The following EPHA8 variants were observed in gnomAD, a reference collection of about 807,000 sequenced individuals.
EPHA8 encodes ephrin type-A receptor 8.
In EPHA8, 58 loss-of-function variants were observed where a neutral mutation model predicts 103.6. That is an observed-to-expected ratio of 0.56 (90% confidence interval 0.45 to 0.70). The LOEUF (loss-of-function observed/expected upper bound fraction) is 0.70, where lower values mean the gene tolerates loss of function less well. Among genes scored for constraint, EPHA8 ranks in the 30% least tolerant of loss-of-function variants. The pLI is 0.00. For missense variants in EPHA8, 1,304 were observed against 1,395.2 expected (o/e 0.93, Z 1.04); for synonymous variants, 559 against 572.5 (o/e 0.98, Z 0.34).
Position 22,600,766 on chromosome 1 carries a change from C to G in EPHA8, c.2494C>G (p.Leu832Val). 3.7e-6 allele frequency: 6 copies of G among 1,612,348 alleles called. No homozygotes were observed. Among genetic ancestry groups the G allele is most frequent in the Non-Finnish European group, 5.1e-6 (6 of 1,179,210 alleles). The part of the protein sequence containing the change: ...WSFGVVMWEV[L>V]AYGERPYWNM... ...CTTCGGCGTGGTCATGTGGGAGGTG[C>G]TGGCCTATGGGGAGCGGCCCTACTG... Residue 832 changes from leucine (L) to valine (V), a missense_variant, in exon 14 of 17, where the codon CTG becomes GTG. Leu to Val is a conservative substitution (Grantham distance 32). Coordinates refer to ENST00000166244, the MANE Select transcript of EPHA8 (RefSeq NM_020526.5).
intron 1 of EPHA8, among the ~76,000 whole-genome samples, chr1:22,565,760 G>C (rs1417512851): frequency 6.6e-6 from 1 of 152,196 alleles, no homozygotes; most frequent in Non-Finnish European, 1.5e-5. Flanking sequence ...GAAGAGGCAA[G>C]GTCTAGAGAG....
chr1:22,573,752 A>G (rs1242053914), intron 2 of EPHA8, among the ~76,000 whole-genome samples: 2 of 152,314 alleles, frequency 1.3e-5, no homozygotes, highest in South Asian at 2.1e-4. Flanking sequence ...AGTGCTCAGC[A>G]GCCGAGGAAG....
At position 22,599,005 on chromosome 1, in the gene EPHA8, AC is replaced by A; in HGVS notation, c.2347del (p.Arg783GlyfsTer60). On this transcript the variant is annotated frameshift_variant, in exon 13 of 17. Coordinates refer to ENST00000166244, the MANE Select transcript of EPHA8 (RefSeq NM_020526.5). LOFTEE classifies it high-confidence loss of function. ...VCKVSDFGLS[R>X]VLEDDPDAAY... ...GCAAGGTGTCTGACTTCGGGCTCTC[AC>A]GGGTGCTGGAGGACGACCCGGATGC... 6.2e-7 allele frequency: 1 copy of A among 1,611,114 alleles called. No homozygotes were observed. The highest frequency in any genetic ancestry group is 8.5e-7 in the Non-Finnish European group (1 of 1,179,380).
intron 3 of EPHA8, among the ~76,000 whole-genome samples, chr1:22,579,893 A>G (rs900749906): frequency 1.3e-5 from 2 of 152,014 alleles, no homozygotes; most frequent in Admixed American, 1.3e-4. Context: ...AGTGAGAGGG[A>G]CCTTTAGTCC....
chr1:22,565,426 G>C (rs548742590), intron 1 of EPHA8, among the ~76,000 whole-genome samples: 74 of 152,290 alleles, frequency 4.9e-4, no homozygotes, highest in African/African-American at 1.3e-3. Flanking sequence ...TAGGAAAGGG[G>C]GCAAGATTGG....
At chr1:22,599,182 C>T in intron 13 of EPHA8, 135 bp downstream of exon 13, 4 of 870,444 alleles carry the variant, frequency 4.6e-6, no homozygotes, top group Non-Finnish European at 7.1e-6. Context: ...GGGGCACATC[C>T]TGTTTCTCCT....
At position 22,569,315 on chromosome 1, in the gene EPHA8, C is replaced by T. The variant is rs763862668; in HGVS notation, c.121C>T (p.His41Tyr). 4 of 1,610,380 alleles carry T rather than the reference C, an allele frequency of 2.5e-6. No homozygotes were observed. In the South Asian group the frequency reaches 4.4e-5, roughly 18 times the overall value. ...GAATTTGCTGGACACGTCGACCATC[C>T]ACGGGGACTGGGGCTGGCTCACGTA... ...EVNLLDTSTI[H>Y]GDWGWLTYPA... The change falls in exon 2 of 17, where the codon CAC (histidine) becomes TAC (tyrosine). Residue 41 changes from histidine to tyrosine, a missense_variant. His to Tyr is a moderately conservative substitution (Grantham distance 83). Coordinates refer to ENST00000166244, the MANE Select transcript of EPHA8 (RefSeq NM_020526.5). This position sits in a 1 kb window ranked among gnomAD's most constrained non-coding sequence, Gnocchi z 4.5.
At chr1:22,581,889 G>A (rs1351137198) in intron 3 of EPHA8, among the ~76,000 whole-genome samples, 1 of 152,202 alleles carries the variant, frequency 6.6e-6, no homozygotes, top group Non-Finnish European at 1.5e-5. Flanking sequence ...TCTCAGCCCC[G>A]TTGGTGGCTT....
Position 22,595,213 on chromosome 1 carries a change from C to A in EPHA8, c.1604-17C>A. 1 of 1,599,920 alleles carries A rather than the reference C, an allele frequency of 6.3e-7. No individual in the cohort carries two copies. The highest frequency in any genetic ancestry group is 8.5e-7 in the Non-Finnish European group (1 of 1,170,006). ...GGGCTGAGAGCCTGGTCCCCCAACC[C>A]TGGCTTTCCCCTGCAGGGCCCCGCT... is the stretch of plus-strand genomic sequence containing the variant. On this transcript the variant is annotated splice_polypyrimidine_tract_variant and intron_variant, in intron 7 of 16. Coordinates refer to ENST00000166244, the MANE Select transcript of EPHA8 (RefSeq NM_020526.5).
chr1:22,595,170 C>G, intron 7 of EPHA8, 60 bp from the exon 8 acceptor site: 1 of 1,425,732 alleles, frequency 7.0e-7, no homozygotes, highest in South Asian at 1.3e-5. Context: ...GTCTGCCAGA[C>G]CCCTGGGCCC....
rs766802239 is a variant in EPHA8, at chr1:22,601,657, G to A, written c.2934G>A (p.Met978Ile). Residue 978 changes from methionine (M) to isoleucine (I), a missense_variant, in exon 17 of 17, where the codon ATG (methionine) becomes ATA (isoleucine). Physicochemically the swap from Met to Ile is conservative, Grantham distance 10. Coordinates refer to ENST00000166244, the MANE Select transcript of EPHA8 (RefSeq NM_020526.5). The part of the protein sequence containing the change: ...QDVRALGITL[M>I]GHQKKILGSI... ...TGCGCGCCCTGGGCATCACCCTCAT[G>A]GGCCACCAGAAGAAGATCCTGGGCA... is the stretch of plus-strand genomic sequence containing the variant. The A allele has an allele frequency of 2.5e-6, 4 of 1,595,780 alleles. No individual in the cohort carries two copies. In the South Asian group the frequency reaches 4.5e-5, roughly 18 times the overall value.
chr1:22,579,958 C>G (rs901217954), intron 3 of EPHA8, among the ~76,000 whole-genome samples: 4 of 152,060 alleles, frequency 2.6e-5, no homozygotes, highest in African/African-American at 9.7e-5. Flanking sequence ...GCTAATAGGA[C>G]TGGGCATGAC....
rs1370002320 is a variant in EPHA8 at position 22,597,514 on chromosome 1, G to A, written c.1930+38G>A. On this transcript the variant is annotated intron_variant, in intron 10 of 16. Transcript: ENST00000166244. The surrounding 1 kb of genome is among the most constrained non-coding windows in gnomAD (Gnocchi z 4.6). ...GGTTGTGAGGGCGGGGCCAGCATGG[G>A]GCAAGGTGGGGGCACCCAGGGCAAG... 6.3e-7 allele frequency: 1 copy of A among 1,598,336 alleles called. No homozygotes were observed. Among genetic ancestry groups the A allele is most frequent in the Non-Finnish European group, 8.5e-7 (1 of 1,171,322 alleles).
intron 2 of EPHA8, among the ~76,000 whole-genome samples, chr1:22,574,272 C>A (rs1358039234): frequency 7.4e-6 from 1 of 135,878 alleles, no homozygotes; most frequent in Non-Finnish European, 1.7e-5. Flanking sequence ...AGCCACCGCG[C>A]CCGGCCAGGC....
chr1:22,599,970 C>A (rs1370319470), intron 13 of EPHA8, among the ~76,000 whole-genome samples: 5 of 43,500 alleles, frequency 1.1e-4, no homozygotes, highest in African/African-American at 1.1e-4. Context: ...GAAGGAAGGA[C>A]AAGAAGGAAG....
chr1:22,576,336 C>T lies in EPHA8; in HGVS notation c.279C>T (p.Gly93=), dbSNP rs866610604. 17 of 1,613,700 alleles carry T rather than the reference C, an allele frequency of 1.1e-5. No individual in the cohort carries two copies. In the Middle Eastern group the frequency reaches 1.5e-3, roughly 140 times the overall value. Residue 93 remains glycine (G), a synonymous_variant, in exon 3 of 17, where the codon GGC becomes GGT. Transcript: ENST00000166244. The surrounding 1 kb of genome is among the most constrained non-coding windows in gnomAD (Gnocchi z 4.8). The part of the protein sequence containing the change: ...WLRTSWVPRD[G]ARRVYAEIKF... ...GCACGAGCTGGGTCCCCCGAGACGGCGCCCGGCGCGTCTATGCTGAGATCA... is the reference window on the plus strand; with the variant it reads ...GCACGAGCTGGGTCCCCCGAGACGGTGCCCGGCGCGTCTATGCTGAGATCA...
rs557728746 is a variant in EPHA8 at position 22,569,836 on chromosome 1, C to G, written c.159+483C>G. Among the ~76,000 whole-genome samples the G allele has an allele frequency of 1.3e-5, 2 of 152,154 alleles. No individual in the cohort carries two copies. Among genetic ancestry groups the G allele is most frequent in the Non-Finnish European group, 2.9e-5 (2 of 68,014 alleles). ...CGCTGTGGGTCATGTGCTCACAGGC[C>G]GTGCCCCCATCCTCCTGGGGAAGGG... On this transcript the variant is annotated intron_variant, in intron 2 of 16. Coordinates refer to ENST00000166244, the MANE Select transcript of EPHA8 (RefSeq NM_020526.5). The surrounding 1 kb of genome is among the most constrained non-coding windows in gnomAD (Gnocchi z 4.5).
rs571250807 is a variant in EPHA8, at chr1:22,582,729, C to G, written c.824-3751C>G. 1.1e-4 allele frequency among the ~76,000 whole-genome samples: 16 copies of G among 152,326 alleles called. No individual in the cohort carries two copies. In the South Asian group the frequency reaches 2.9e-3, roughly 28 times the overall value. On this transcript the variant is annotated intron_variant, in intron 3 of 16. Coordinates refer to ENST00000166244, the MANE Select transcript of EPHA8 (RefSeq NM_020526.5). Reference sequence around the variant, plus strand: ...GATCCAGTGACCTCCCCACACCAGACTGCACTTCCCAGCACCCCCCGCACC... The same window carrying G: ...GATCCAGTGACCTCCCCACACCAGAGTGCACTTCCCAGCACCCCCCGCACC...
chr1:22,599,837 AAGAGG>A (rs1219715854), intron 13 of EPHA8, among the ~76,000 whole-genome samples: 3 of 65,354 alleles, frequency 4.6e-5, no homozygotes, highest in Admixed American at 3.0e-4. Flanking sequence ...GAGGGGAGGG[AAGAGG>A]AGAGGAGGGG....
Sources: gnomAD v4.1 joint callset for allele counts (sites outside exome capture counted in the v4.1 genomes callset) on GRCh38, gnomAD v4.1.1 for gene constraint, Gnocchi (gnomAD v3.1) non-coding constraint, MANE v1.5 for transcripts, NCBI Gene and HGNC (gene_info 2026-07-23, HGNC 2026-07-21) for gene names.